STRBP: variants seen among roughly 807,000 people sequenced by gnomAD.
The protein encoded by STRBP is spermatid perinuclear RNA binding protein.
STRBP carries 13 observed loss-of-function variants against 80.1 expected under a neutral mutation model. The observed-to-expected ratio is 0.16, with a 90% CI of 0.11 to 0.26. The LOEUF is 0.26. STRBP is among the 10% of genes least tolerant of loss of function. STRBP has a pLI of 1.00. For missense variants in STRBP, 485 were observed against 815.2 expected, an observed-to-expected ratio of 0.59 and a Z score of 4.93; for synonymous variants, 284 against 291.2, an observed-to-expected ratio of 0.98 and a Z score of 0.25.
At chr9:123,160,319 C>A in intron 8 of STRBP, 48 bp downstream of exon 8, 2 of 1,381,466 alleles carry the variant, frequency 1.4e-6, no homozygotes, top group Non-Finnish European at 9.9e-7. Context: ...ACAGGATTTT[C>A]TCTGCTACAG....
chr9:123,243,669 A>AC (rs1473328888), intron 1 of STRBP, among the ~76,000 whole-genome samples: 1 of 151,748 alleles, frequency 6.6e-6, no homozygotes, highest in Non-Finnish European at 1.5e-5. Context: ...AATGGGCAAA[A>AC]ACATGAACAA....
At chr9:123,168,303 C>T (rs929316504) in intron 6 of STRBP, 31 of 819,460 alleles carry the variant, frequency 3.8e-5, no homozygotes, top group Non-Finnish European at 4.4e-5. Context: ...TTCAGAGGTG[C>T]TATAGATACT....
Position 123,136,328 on chromosome 9 carries a change from T to C in STRBP, c.1632+53A>G. ...CTAAAACTTTACATTAAGTTCAGGA[T>C]ATCCTATGTCTTTGAGAAGAAAGAT... is the stretch of plus-strand genomic sequence containing the variant. On this transcript the variant is annotated intron_variant, in intron 15 of 18. Transcript: ENST00000348403. The surrounding 1 kb of genome is among the most constrained non-coding windows in gnomAD (Gnocchi z 4.2). The C allele has an allele frequency of 6.2e-7, 1 of 1,607,126 alleles. No individual in the cohort carries two copies. The highest frequency in any genetic ancestry group is 8.5e-7 in the Non-Finnish European group (1 of 1,176,796).
At chr9:123,257,890 ATATT>A (rs1564340631) in intron 1 of STRBP, among the ~76,000 whole-genome samples, 3 of 151,740 alleles carry the variant, frequency 2.0e-5, no homozygotes, top group Non-Finnish European at 2.9e-5. Flanking sequence ...TTATGTATAT[ATATT>A]TATTTACAAA....
intron 2 of STRBP, among the ~76,000 whole-genome samples, chr9:123,222,617 C>T (rs527846776): frequency 6.6e-6 from 1 of 152,254 alleles, no homozygotes; most frequent in African/African-American, 2.4e-5. Flanking sequence ...AATTCTACGG[C>T]CACTGATCGA....
chr9:123,259,005 T>G (rs1026933235), intron 1 of STRBP, among the ~76,000 whole-genome samples: 23 of 151,218 alleles, frequency 1.5e-4, no homozygotes, highest in Admixed American at 1.3e-3. Context: ...CTGACTTATC[T>G]TTTTTAAAGG....
chr9:123,117,630 A>T (rs2035667480), downstream of STRBP, among the ~76,000 whole-genome samples: 1 of 152,142 alleles, frequency 6.6e-6, no homozygotes, highest in Admixed American at 6.5e-5. Context: ...ACCCATCTCT[A>T]CTGAGTACTC....
chr9:123,118,552 G>C (rs1437064399), downstream of STRBP, among the ~76,000 whole-genome samples: 1 of 152,216 alleles, frequency 6.6e-6, no homozygotes, highest in Admixed American at 6.5e-5. Context: ...AGGCAAAAAA[G>C]TCCTCCCTCA....
At chr9:123,181,022 T>G in intron 3 of STRBP, 1 of 705,806 alleles carries the variant, frequency 1.4e-6, no homozygotes, top group Non-Finnish European at 1.7e-6. Context: ...AAATTAACAC[T>G]ATAGTGTCAC....
intron 2 of STRBP, among the ~76,000 whole-genome samples, chr9:123,229,941 G>A (rs995287388): frequency 6.6e-6 from 1 of 152,194 alleles, no homozygotes; most frequent in Non-Finnish European, 1.5e-5. Flanking sequence ...ATGAAGGTAT[G>A]TGTTTTCCAG....
intron 1 of STRBP, among the ~76,000 whole-genome samples, chr9:123,253,961 G>A (rs1158273250): frequency 6.6e-6 from 1 of 152,158 alleles, no homozygotes; most frequent in Non-Finnish European, 1.5e-5. Flanking sequence ...ACATAAAGTG[G>A]TGGTTGCTCA....
At chr9:123,185,956 C>T (rs1015213415) in intron 2 of STRBP, among the ~76,000 whole-genome samples, 3 of 146,214 alleles carry the variant, frequency 2.1e-5, no homozygotes, top group South Asian at 2.2e-4. Context: ...GGCGTGAACC[C>T]GGGAGGCAGA....
At chr9:123,191,601 C>T (rs911922456) in intron 2 of STRBP, among the ~76,000 whole-genome samples, 2 of 152,098 alleles carry the variant, frequency 1.3e-5, no homozygotes, top group Admixed American at 1.3e-4. Flanking sequence ...ATGGGTGTGG[C>T]TCTGTTCCAA....
chr9:123,181,314 T>A (rs909436453), intron 3 of STRBP, among the ~76,000 whole-genome samples: 2 of 152,202 alleles, frequency 1.3e-5, no homozygotes, highest in African/African-American at 4.8e-5. Context: ...AATGCTAGGC[T>A]GTTAGCTAGG....
chr9:123,259,342 G>C (rs755623235), intron 1 of STRBP, among the ~76,000 whole-genome samples: 5 of 152,116 alleles, frequency 3.3e-5, no homozygotes, highest in African/African-American at 1.2e-4. Flanking sequence ...TTTGAAATAA[G>C]GATAGAAGAT....
chr9:123,247,337 G>A (rs537264907), intron 1 of STRBP, among the ~76,000 whole-genome samples: 4 of 152,022 alleles, frequency 2.6e-5, no homozygotes, highest in African/African-American at 4.8e-5. Flanking sequence ...CCACAATCTC[G>A]GCTGACTGCA....
chr9:123,265,034 A>G (rs2041239083), intron 1 of STRBP, among the ~76,000 whole-genome samples: 1 of 152,180 alleles, frequency 6.6e-6, no homozygotes. Context: ...TTGTATACAT[A>G]TATCAAATCT....
chr9:123,127,784 T>C (rs1266482800), intron 18 of STRBP, among the ~76,000 whole-genome samples: 1 of 152,158 alleles, frequency 6.6e-6, no homozygotes, highest in African/African-American at 2.4e-5. Flanking sequence ...AGGCTACAAA[T>C]TTGAAGTGAG....
rs55960341 is a variant in STRBP, at chr9:123,121,948, T to TACAC, written c.*3645_*3648dup. ...ACATACGTGTTATATCCTAAGTTTC[T>TACAC]ACACACACACACACACACACACACA... On this transcript the variant is annotated 3_prime_UTR_variant, in exon 19 of 19. Coordinates refer to ENST00000348403, the MANE Select transcript of STRBP (RefSeq NM_018387.5). 0.048 allele frequency: 7,405 copies of TACAC among 154,502 alleles called. 186 individuals are homozygous for TACAC. Among genetic ancestry groups the TACAC allele is most frequent in the Middle Eastern group, 0.1 (30 of 296 alleles). 9.6% of individuals were successfully genotyped at this position (154,502 alleles called of 1,614,324 possible).
Sources: gnomAD v4.1 joint callset for allele counts (sites outside exome capture counted in the v4.1 genomes callset) on GRCh38, gnomAD v4.1.1 for gene constraint, Gnocchi (gnomAD v3.1) non-coding constraint, MANE v1.5 for transcripts, NCBI Gene and HGNC (gene_info 2026-07-23, HGNC 2026-07-21) for gene names.